Variants in CNTLN observed in about 807,000 individuals in gnomAD.
CNTLN encodes the protein centlein, centrosomal protein.
CNTLN carries 212 observed loss-of-function variants against 180.0 expected under a neutral mutation model. The observed-to-expected ratio is 1.18, with a 90% CI of 1.05 to 1.32. CNTLN has a LOEUF of 1.32. Ranked by LOEUF, CNTLN falls within the 40% of genes most tolerant of loss-of-function variation. The pLI, the probability that CNTLN is intolerant of heterozygous loss-of-function variation, is 0.00. For missense variants in CNTLN, 2,095 were observed against 1,610.9 expected, an observed-to-expected ratio of 1.30 and a Z score of -5.14; for synonymous variants, 722 against 563.1, an observed-to-expected ratio of 1.28 and a Z score of -3.99.
downstream of CNTLN, among the ~76,000 whole-genome samples, chr9:17,508,144 C>T (rs147651174): frequency 1.3e-3 from 199 of 152,218 alleles, 2 homozygotes; most frequent in African/African-American, 4.7e-3. Flanking sequence ...GTGCACTAAC[C>T]GTGACACTCT....
chr9:17,281,017 G>A (rs1038815389), intron 6 of CNTLN, among the ~76,000 whole-genome samples: 8 of 152,270 alleles, frequency 5.3e-5, no homozygotes, highest in South Asian at 2.1e-4. Context: ...GACAGGAACT[G>A]TCCTAGGTGC....
chr9:17,275,715 T>G (rs1161489110), intron 6 of CNTLN, among the ~76,000 whole-genome samples: 2 of 152,126 alleles, frequency 1.3e-5, no homozygotes, highest in Admixed American at 1.3e-4. Flanking sequence ...TTAAATTTAG[T>G]GTATTGCAAG....
At chr9:17,359,202 A>G (rs1418236387) in intron 12 of CNTLN, among the ~76,000 whole-genome samples, 1 of 151,946 alleles carries the variant, frequency 6.6e-6, no homozygotes, top group African/African-American at 2.4e-5. Flanking sequence ...GTACTTTTGT[A>G]GAGATAGGGT....
chr9:17,405,912 A>G lies in CNTLN; in HGVS notation c.2616-3381A>G, dbSNP rs536068632. Among the ~76,000 whole-genome samples, 3 of 151,754 alleles carry G rather than the reference A, an allele frequency of 2.0e-5. No individual in the cohort carries two copies. The East Asian group carries it at 5.8e-4, about 29-fold the overall frequency. ...CAAGCGATTCTCCAGAGTAGCTGGG[A>G]TTACAGGCATGTGCCACCACACCCA... is the stretch of plus-strand genomic sequence containing the variant. On this transcript the variant is annotated intron_variant, in intron 15 of 25. Transcript: ENST00000380647.
intron 8 of CNTLN, among the ~76,000 whole-genome samples, chr9:17,311,065 T>A (rs1930644): frequency 6.6e-6 from 1 of 151,734 alleles, no homozygotes; most frequent in Non-Finnish European, 1.5e-5. Context: ...GCTTTTGTTG[T>A]CCAGGCTGGA....
chr9:17,397,570 G>C (rs927519740), intron 15 of CNTLN, among the ~76,000 whole-genome samples: 6 of 152,130 alleles, frequency 3.9e-5, no homozygotes, highest in African/African-American at 1.4e-4. Flanking sequence ...TTTACTGCAG[G>C]CTGTTTCATC....
rs150765418 is a variant in CNTLN, at chr9:17,246,046, T to G, written c.849+9458T>G. 2.0e-5 allele frequency among the ~76,000 whole-genome samples: 3 copies of G among 152,288 alleles called. No homozygotes were observed. In the East Asian group the frequency reaches 5.8e-4, roughly 29 times the overall value. ...CCACGATTTGCCCTTGGTTATTCAT[T>G]TAATTCATTTGGTGAGGTCATGTTT... On this transcript the variant is annotated intron_variant, in intron 5 of 25. Transcript: ENST00000380647.
intron 2 of CNTLN, among the ~76,000 whole-genome samples, chr9:17,198,889 A>G (rs901230919): frequency 1.3e-5 from 2 of 152,126 alleles, no homozygotes; most frequent in Non-Finnish European, 2.9e-5. Context: ...ATAGTATTCT[A>G]TGGTGTATAT....
the CNTLN span, among the ~76,000 whole-genome samples, chr9:17,521,265 A>AGAGAGAG: frequency 1.3e-4 from 15 of 118,608 alleles, no homozygotes; most frequent in African/African-American, 3.1e-4. Context: ...AAGGGAGAAA[A>AGAGAGAG]AGAGAGAGAG....
intron 2 of CNTLN, among the ~76,000 whole-genome samples, chr9:17,164,878 C>G (rs1022394787): frequency 6.7e-6 from 1 of 149,434 alleles, no homozygotes; most frequent in African/African-American, 2.5e-5. Flanking sequence ...CTCTGTCGCC[C>G]AGGCTCAAGT....
At chr9:17,142,519 C>T (rs1818175469) in intron 1 of CNTLN, among the ~76,000 whole-genome samples, 1 of 151,954 alleles carries the variant, frequency 6.6e-6, no homozygotes, top group Non-Finnish European at 1.5e-5. Context: ...ATTGAATATG[C>T]AGTTGGAGAT....
rs539438192 is a variant in CNTLN, at chr9:17,323,914, G to T, written c.1342-6718G>T. Among the ~76,000 whole-genome samples the T allele has an allele frequency of 2.0e-4, 30 of 152,274 alleles. No individual in the cohort carries two copies. In the South Asian group the frequency reaches 6.2e-3, roughly 32 times the overall value. On this transcript the variant is annotated intron_variant, in intron 8 of 25. Coordinates refer to ENST00000380647, the MANE Select transcript of CNTLN (RefSeq NM_017738.4). ...TGATAATGCAATCAGGAATTGAGAG[G>T]TGATGACAGCGTTGTTGTTTTTTTC...
intron 15 of CNTLN, among the ~76,000 whole-genome samples, chr9:17,405,144 A>G (rs1198127670): frequency 2.6e-5 from 4 of 151,304 alleles, no homozygotes; most frequent in Non-Finnish European, 5.9e-5. Context: ...GTTGATTTCT[A>G]CCTCTTGTTA....
intron 5 of CNTLN, among the ~76,000 whole-genome samples, chr9:17,266,439 A>T (rs747456723): frequency 5.5e-4 from 83 of 152,108 alleles, no homozygotes; most frequent in Non-Finnish European, 1.0e-3. Context: ...ACATTTGCTG[A>T]GGAGAGCTTT....
At chr9:17,458,011 T>G in intron 19 of CNTLN, among the ~76,000 whole-genome samples, 1 of 151,954 alleles carries the variant, frequency 6.6e-6, no homozygotes, top group East Asian at 1.9e-4. Flanking sequence ...TCCCTCCAGC[T>G]GAACAGAATC....
chr9:17,451,255 C>T (rs1228229665), intron 18 of CNTLN, among the ~76,000 whole-genome samples: 1 of 152,056 alleles, frequency 6.6e-6, no homozygotes, highest in African/African-American at 2.4e-5. Flanking sequence ...ATTTTCTCTC[C>T]AGTCTCATTT....
chr9:17,346,851 T>A (rs755451880), intron 12 of CNTLN, among the ~76,000 whole-genome samples: 1 of 152,204 alleles, frequency 6.6e-6, no homozygotes, highest in Non-Finnish European at 1.5e-5. Flanking sequence ...ATCACATGAA[T>A]GCTAGATCTT....
chr9:17,286,723 T>A (rs1304801363), intron 6 of CNTLN, among the ~76,000 whole-genome samples: 2 of 109,948 alleles, frequency 1.8e-5, no homozygotes, highest in African/African-American at 8.7e-5. Context: ...GTCCTTCACA[T>A]CCCTTGTAAG....
chr9:17,257,143 C>T (rs1177438034), intron 5 of CNTLN, among the ~76,000 whole-genome samples: 1 of 151,350 alleles, frequency 6.6e-6, no homozygotes, highest in South Asian at 2.1e-4. Flanking sequence ...CACCCCACAA[C>T]AGTCCCCAGA....
Sources: allele counts gnomAD v4.1 joint callset (sites outside exome capture counted in the v4.1 genomes callset), GRCh38; gene constraint gnomAD v4.1.1; transcripts MANE v1.5; gene names NCBI Gene and HGNC (gene_info 2026-07-23, HGNC 2026-07-21).